MACROD2: variants seen among roughly 807,000 people sequenced by gnomAD.
MACROD2 encodes ADP-ribose glycohydrolase MACROD2.
MACROD2 carries 36 observed loss-of-function variants against 70.4 expected under a neutral mutation model. The observed-to-expected ratio is 0.51, with a 90% CI of 0.39 to 0.68. The LOEUF (loss-of-function observed/expected upper bound fraction) is 0.68. MACROD2 is among the 30% of genes least tolerant of loss of function. The probability of loss-of-function intolerance (pLI) is 0.00; values close to 1 mark genes in which losing one functional copy is unlikely to be tolerated. For synonymous variants in MACROD2, 172 were observed against 178.8 expected (o/e 0.96, Z 0.30); for missense variants, 496 against 538.4 (o/e 0.92, Z 0.78).
chr20:15,115,422 C>T (rs1017459338), intron 5 of MACROD2, among the ~76,000 whole-genome samples: 2 of 151,932 alleles, frequency 1.3e-5, no homozygotes, highest in African/African-American at 4.8e-5. Context: ...TGGGGTCTTC[C>T]TATGTTGCCA....
chr20:15,763,278 A>T (rs1381578863), intron 8 of MACROD2, among the ~76,000 whole-genome samples: 8 of 152,202 alleles, frequency 5.3e-5, no homozygotes, highest in Admixed American at 1.3e-4. Flanking sequence ...TCAGTGGCAG[A>T]ACCACCCGAG....
intron 4 of MACROD2, among the ~76,000 whole-genome samples, chr20:14,603,370 TA>T (rs983828341): frequency 1.3e-5 from 2 of 152,176 alleles, no homozygotes; most frequent in Non-Finnish European, 2.9e-5. Flanking sequence ...CAATAGCCTG[TA>T]ACAGGGCTGG....
At chr20:16,025,365 ACATC>A (rs1310724412) in intron 15 of MACROD2, among the ~76,000 whole-genome samples, 1 of 152,238 alleles carries the variant, frequency 6.6e-6, no homozygotes, top group Non-Finnish European at 1.5e-5. Context: ...AGGGCAAAGA[ACATC>A]TGTTTGTTGT....
intron 3 of MACROD2, among the ~76,000 whole-genome samples, chr20:14,156,210 T>C (rs543557147): frequency 6.6e-6 from 1 of 152,334 alleles, no homozygotes; most frequent in East Asian, 1.9e-4. Flanking sequence ...TGATCATCTC[T>C]GTTTTTAAAA....
intron 5 of MACROD2, among the ~76,000 whole-genome samples, chr20:14,906,736 T>A (rs2073964219): frequency 6.6e-6 from 1 of 152,188 alleles, no homozygotes; most frequent in South Asian, 2.1e-4. Flanking sequence ...GATCTTTTTG[T>A]CTCCAAGTAT....
At chr20:15,748,655 C>A (rs531436543) in intron 8 of MACROD2, among the ~76,000 whole-genome samples, 1 of 152,102 alleles carries the variant, frequency 6.6e-6, no homozygotes, top group Non-Finnish European at 1.5e-5. Context: ...TGACCAGTGA[C>A]TTCAGGACAT....
At chr20:15,128,428 T>A (rs533731994) in intron 5 of MACROD2, among the ~76,000 whole-genome samples, 3 of 152,220 alleles carry the variant, frequency 2.0e-5, no homozygotes, top group Admixed American at 1.3e-4. Context: ...AAAGATTAAA[T>A]TATGTTTTAT....
intron 15 of MACROD2, among the ~76,000 whole-genome samples, chr20:16,018,002 G>A (rs1466718823): frequency 1.3e-5 from 2 of 151,850 alleles, no homozygotes; most frequent in Non-Finnish European, 2.9e-5. Context: ...ACACCTAGTG[G>A]CATCTAGTGG....
intron 2 of MACROD2, among the ~76,000 whole-genome samples, chr20:14,041,361 A>C (rs956735168): frequency 1.3e-5 from 2 of 152,166 alleles, no homozygotes; most frequent in Admixed American, 6.5e-5. Context: ...CCTCTAAGGA[A>C]GTGCTCCATC....
intron 5 of MACROD2, among the ~76,000 whole-genome samples, chr20:15,134,868 A>G (rs2123287153): frequency 6.6e-6 from 1 of 152,276 alleles, no homozygotes; most frequent in South Asian, 2.1e-4. Context: ...ACAATAAAAA[A>G]TGATAAAGGG....
chr20:15,427,835 A>T (rs36115268), intron 6 of MACROD2, among the ~76,000 whole-genome samples: 22,962 of 152,162 alleles, frequency 0.15, 2,242 homozygotes, highest in Admixed American at 0.23. Flanking sequence ...CCTAGACTCA[A>T]GGTCAGTGAT....
chr20:14,169,383 C>T (rs1341564026), intron 3 of MACROD2, among the ~76,000 whole-genome samples: 1 of 152,146 alleles, frequency 6.6e-6, no homozygotes, highest in Non-Finnish European at 1.5e-5. Flanking sequence ...TGGCTCACTG[C>T]AACCTCCGCC....
intron 3 of MACROD2, among the ~76,000 whole-genome samples, chr20:14,264,514 G>A (rs1470386917): frequency 2.0e-5 from 3 of 152,180 alleles, no homozygotes; most frequent in East Asian, 1.9e-4. Flanking sequence ...ACCAAGTCAG[G>A]TGTCCAAATC....
At chr20:14,811,904 C>T (rs572671420) in intron 5 of MACROD2, among the ~76,000 whole-genome samples, 13 of 152,062 alleles carry the variant, frequency 8.5e-5, no homozygotes, top group South Asian at 2.1e-4. Context: ...GTTAGAATGG[C>T]GATCATTAAA....
At chr20:15,354,825 A>C (rs1054433859) in intron 6 of MACROD2, among the ~76,000 whole-genome samples, 1 of 152,214 alleles carries the variant, frequency 6.6e-6, no homozygotes, top group Non-Finnish European at 1.5e-5. Context: ...GCTTATATTC[A>C]TGACACAAAA....
intron 4 of MACROD2, among the ~76,000 whole-genome samples, chr20:14,641,083 T>C (rs1225227110): frequency 6.6e-6 from 1 of 152,244 alleles, no homozygotes; most frequent in Non-Finnish European, 1.5e-5. Context: ...CTGCCACTGC[T>C]TTGTCAACTA....
At chr20:14,628,079 T>C (rs1984289286) in intron 4 of MACROD2, among the ~76,000 whole-genome samples, 1 of 151,930 alleles carries the variant, frequency 6.6e-6, no homozygotes. Flanking sequence ...AGGAAATAGG[T>C]AGGTAAGGAA....
chr20:14,430,488 G>A (rs375717446), intron 3 of MACROD2, among the ~76,000 whole-genome samples: 17 of 152,116 alleles, frequency 1.1e-4, no homozygotes, highest in African/African-American at 4.1e-4. Context: ...GGAGAGAAAG[G>A]CATTAAAAAT....
At position 15,772,084 on chromosome 20, in the gene MACROD2, CA is replaced by C. The variant is rs753205618; in HGVS notation, c.646-90643del. On this transcript the variant is annotated intron_variant, in intron 8 of 17. Transcript: ENST00000684519. ...TGAGCGACAAAGTGAGACTCGGTCT[CA>C]AAAAAAAAAAAAAAAAATATATATA... is the stretch of plus-strand genomic sequence containing the variant. 7.8e-3 allele frequency among the ~76,000 whole-genome samples: 548 copies of C among 70,622 alleles called. 5 individuals are homozygous for C. The highest frequency in any genetic ancestry group is 0.016 in the East Asian group (22 of 1,404). 46.3% of individuals were successfully genotyped at this position (70,622 alleles called of 152,430 possible). A position where few individuals can be genotyped will look rare whatever the true frequency, so the allele number is the denominator to read the frequency against.
Sources: allele counts gnomAD v4.1 joint callset (sites outside exome capture counted in the v4.1 genomes callset), GRCh38; gene constraint gnomAD v4.1.1; transcripts MANE v1.5; gene names NCBI Gene and HGNC (gene_info 2026-07-23, HGNC 2026-07-21).